Variants in NKAIN3 observed in about 807,000 individuals in gnomAD.
NKAIN3 encodes the protein sodium/potassium transporting ATPase interacting 3, also known as sodium/potassium-transporting ATPase subunit beta-1-interacting protein 3.
NKAIN3 carries 25 observed loss-of-function variants against 30.2 expected under a neutral mutation model. That is an observed-to-expected ratio of 0.83 (90% CI 0.60 to 1.16). The LOEUF (loss-of-function observed/expected upper bound fraction) is 1.16, where lower values mean the gene tolerates loss of function less well. NKAIN3 is among the 50% of genes most tolerant of loss of function. NKAIN3 has a pLI of 0.00. For missense variants in NKAIN3, 225 were observed against 254.1 expected, an observed-to-expected ratio of 0.89 and a Z score of 0.78; for synonymous variants, 91 against 89.6, an observed-to-expected ratio of 1.02 and a Z score of -0.09.
At chr8:62,316,962 G>A (rs754372183) in intron 1 of NKAIN3, among the ~76,000 whole-genome samples, 5 of 151,988 alleles carry the variant, frequency 3.3e-5, no homozygotes, top group South Asian at 2.1e-4. Context: ...TTTAATGATC[G>A]CCATTCTAAC....
intron 1 of NKAIN3, among the ~76,000 whole-genome samples, chr8:62,490,314 C>G (rs1454151393): frequency 6.6e-6 from 1 of 152,112 alleles, no homozygotes; most frequent in Non-Finnish European, 1.5e-5. Context: ...CCTAACCTGC[C>G]CTTCTTGATG....
chr8:62,531,973 G>A (rs1474819895), intron 1 of NKAIN3, among the ~76,000 whole-genome samples: 1 of 152,124 alleles, frequency 6.6e-6, no homozygotes, highest in Admixed American at 6.5e-5. Context: ...AATAAAGAAA[G>A]GACTTAATAC....
At chr8:62,315,633 A>G (rs1457729375) in intron 1 of NKAIN3, among the ~76,000 whole-genome samples, 2 of 152,200 alleles carry the variant, frequency 1.3e-5, no homozygotes, top group African/African-American at 4.8e-5. Flanking sequence ...GCACCAATGT[A>G]GTGTACATCT....
chr8:62,747,163 A>T (rs776400969), intron 4 of NKAIN3, 34 bp downstream of exon 4: 63 of 1,429,756 alleles, frequency 4.4e-5, no homozygotes, highest in Non-Finnish European at 6.0e-5. Flanking sequence ...ATCTAATCAG[A>T]ACTCTTCTTT....
chr8:62,888,850 G>T (rs1821220312), intron 4 of NKAIN3, among the ~76,000 whole-genome samples: 1 of 152,038 alleles, frequency 6.6e-6, no homozygotes, highest in Admixed American at 6.6e-5. Flanking sequence ...CTTACTTTTA[G>T]AGCAATGAGT....
chr8:62,867,054 TAAA>T (rs11444625), intron 4 of NKAIN3, among the ~76,000 whole-genome samples: 15 of 119,598 alleles, frequency 1.3e-4, no homozygotes, highest in Middle Eastern at 4.4e-3. Flanking sequence ...GACTCCGTCT[TAAA>T]AAAAAAAAAA....
chr8:62,320,495 G>C (rs925453777), intron 1 of NKAIN3, among the ~76,000 whole-genome samples: 5 of 152,050 alleles, frequency 3.3e-5, no homozygotes, highest in African/African-American at 9.7e-5. Flanking sequence ...CATGTTTAGT[G>C]CTTCCTTCAG....
chr8:62,513,857 C>CAA lies in NKAIN3; in HGVS notation c.55-65655_55-65654dup, dbSNP rs10608416. Among the ~76,000 whole-genome samples, 11 of 52,626 alleles carry CAA rather than the reference C, an allele frequency of 2.1e-4. 1 individual carries two copies. Among genetic ancestry groups the CAA allele is most frequent in the Non-Finnish European group, 2.9e-4 (9 of 31,282 alleles). 34.5% of individuals were successfully genotyped at this position (52,626 alleles called of 152,430 possible). On this transcript the variant is annotated intron_variant, in intron 1 of 6. Coordinates refer to ENST00000623646, the MANE Select transcript of NKAIN3 (RefSeq NM_001304533.3). ...CTGGGCAACAGAGTGAAACCTGTCT[C>CAA]AAAAAAAAAAAAAAAAAAAAAAAAA...
At chr8:62,572,030 A>T (rs981363286) in intron 1 of NKAIN3, among the ~76,000 whole-genome samples, 31 of 152,280 alleles carry the variant, frequency 2.0e-4, no homozygotes, top group African/African-American at 6.7e-4. Context: ...AAATTTCTGT[A>T]GCTGGCTTGA....
chr8:62,738,463 G>T (rs1239694151), intron 3 of NKAIN3, among the ~76,000 whole-genome samples: 1 of 151,988 alleles, frequency 6.6e-6, no homozygotes, highest in Admixed American at 6.6e-5. Context: ...GCCGGGCATG[G>T]TGGCATGTGC....
intron 5 of NKAIN3, among the ~76,000 whole-genome samples, chr8:62,940,360 T>C (rs1822917815): frequency 6.6e-6 from 1 of 152,022 alleles, no homozygotes; most frequent in South Asian, 2.1e-4. Context: ...GCAGGTGATA[T>C]AGACAGAAAG....
intron 4 of NKAIN3, among the ~76,000 whole-genome samples, chr8:62,816,123 A>G (rs1474512090): frequency 1.3e-5 from 2 of 152,106 alleles, no homozygotes; most frequent in African/African-American, 4.8e-5. Flanking sequence ...CCCTACATTG[A>G]CGTTTGTGCA....
intron 4 of NKAIN3, among the ~76,000 whole-genome samples, chr8:62,849,681 A>G (rs1426893412): frequency 7.7e-6 from 1 of 129,616 alleles, no homozygotes; most frequent in South Asian, 2.5e-4. Flanking sequence ...TTCACTTCCC[A>G]CCTATGAGTG....
intron 5 of NKAIN3, among the ~76,000 whole-genome samples, chr8:62,927,034 A>T (rs1822470804): frequency 6.6e-6 from 1 of 152,188 alleles, no homozygotes; most frequent in Admixed American, 6.5e-5. Flanking sequence ...AGAAAATAGA[A>T]ATCACCCTTG....
intron 2 of NKAIN3, among the ~76,000 whole-genome samples, chr8:62,582,134 TCTTC>T (rs139118595): frequency 8.3e-6 from 1 of 119,848 alleles, no homozygotes; most frequent in Non-Finnish European, 2.0e-5. Context: ...TTCCTTCCTT[TCTTC>T]CTTCCTTCCT....
chr8:62,965,258 G>T (rs1239050640), intron 6 of NKAIN3, 96 bp from the exon 7 acceptor site: 5 of 981,104 alleles, frequency 5.1e-6, no homozygotes, highest in Non-Finnish European at 4.8e-6. Flanking sequence ...GTGCACCCAG[G>T]AGCTATTTTG....
chr8:62,672,583 T>G (rs532674515), intron 3 of NKAIN3, among the ~76,000 whole-genome samples: 1 of 152,336 alleles, frequency 6.6e-6, no homozygotes, highest in African/African-American at 2.4e-5. Flanking sequence ...CAGGTCATTA[T>G]AGTCAGATGT....
intron 3 of NKAIN3, among the ~76,000 whole-genome samples, chr8:62,657,476 A>G (rs144200165): frequency 6.6e-6 from 1 of 152,330 alleles, no homozygotes; most frequent in East Asian, 1.9e-4. Flanking sequence ...TCTTCTTTTT[A>G]TCATCTTCTG....
intron 3 of NKAIN3, among the ~76,000 whole-genome samples, chr8:62,651,422 T>C (rs1367083328): frequency 1.3e-5 from 2 of 152,198 alleles, no homozygotes; most frequent in South Asian, 2.1e-4. Context: ...TTAAATCTTA[T>C]TGACAGATCA....
Sources: allele counts gnomAD v4.1 joint callset (sites outside exome capture counted in the v4.1 genomes callset), GRCh38; gene constraint gnomAD v4.1.1; transcripts MANE v1.5; gene names NCBI Gene and HGNC (gene_info 2026-07-23, HGNC 2026-07-21).